Variants in PDE11A observed in about 807,000 individuals in gnomAD.
PDE11A encodes phosphodiesterase 11A, also known as dual 3',5'-cyclic-AMP and -GMP phosphodiesterase 11A.
A neutral mutation model predicts 100.5 loss-of-function variants in PDE11A; 100 were observed. That is an observed-to-expected ratio of 1.00 (90% CI 0.85 to 1.18). The LOEUF is 1.18. PDE11A is among the 50% of genes most tolerant of loss of function. The probability of loss-of-function intolerance (pLI) is 0.00; values close to 1 mark genes in which losing one functional copy is unlikely to be tolerated. For synonymous variants in PDE11A, 381 were observed against 420.8 expected (o/e 0.91, Z 1.16); for missense variants, 1,141 against 1,152.6 (o/e 0.99, Z 0.15).
chr2:177,820,997 G>A (rs554049944), intron 6 of PDE11A, among the ~76,000 whole-genome samples: 3 of 152,006 alleles, frequency 2.0e-5, no homozygotes, highest in East Asian at 1.9e-4. Flanking sequence ...GGGTCTTAGG[G>A]AGTTAATATG....
intron 2 of PDE11A, among the ~76,000 whole-genome samples, chr2:178,007,772 T>G (rs2105822475): frequency 6.6e-6 from 1 of 152,304 alleles, no homozygotes; most frequent in Middle Eastern, 3.4e-3. Context: ...TGGCAAGATC[T>G]TGGCTCACTG....
chr2:177,639,026 G>T (rs758117572), intron 19 of PDE11A, among the ~76,000 whole-genome samples: 1 of 152,282 alleles, frequency 6.6e-6, no homozygotes, highest in South Asian at 2.1e-4. Flanking sequence ...CCTGGGAACT[G>T]TAACCTCTTT....
intron 6 of PDE11A, among the ~76,000 whole-genome samples, chr2:177,821,694 G>A (rs1201006942): frequency 1.3e-5 from 2 of 151,822 alleles, no homozygotes; most frequent in Non-Finnish European, 2.9e-5. Context: ...ATCTCCTTGT[G>A]AAAGTAATTT....
chr2:177,849,683 A>G (rs994300661), intron 5 of PDE11A, among the ~76,000 whole-genome samples: 1 of 151,622 alleles, frequency 6.6e-6, no homozygotes, highest in African/African-American at 2.4e-5. Flanking sequence ...CCAGCTACTC[A>G]GGAGGCTGAG....
intron 2 of PDE11A, among the ~76,000 whole-genome samples, chr2:177,972,911 G>C (rs377610087): frequency 6.6e-6 from 1 of 152,222 alleles, no homozygotes; most frequent in Admixed American, 6.5e-5. Context: ...GAGAAGGGAA[G>C]TTGTGCCTAT....
chr2:178,071,108 C>T (rs1451706981), intron 1 of PDE11A, among the ~76,000 whole-genome samples: 1 of 152,170 alleles, frequency 6.6e-6, no homozygotes, highest in Non-Finnish European at 1.5e-5. Context: ...CCCCAAAAGA[C>T]ACCAAAGACA....
At chr2:177,880,534 T>C (rs1295278118) in intron 4 of PDE11A, among the ~76,000 whole-genome samples, 1 of 152,192 alleles carries the variant, frequency 6.6e-6, no homozygotes, top group Non-Finnish European at 1.5e-5. Context: ...TGTTAATCTG[T>C]ATGATTTCCT....
chr2:177,639,178 C>A (rs893573689), intron 19 of PDE11A, among the ~76,000 whole-genome samples: 1 of 152,330 alleles, frequency 6.6e-6, no homozygotes, highest in African/African-American at 2.4e-5. Context: ...TTCATTCATT[C>A]CCCTTACTCA....
At chr2:178,036,793 T>G (rs2086620350) in intron 1 of PDE11A, among the ~76,000 whole-genome samples, 1 of 152,170 alleles carries the variant, frequency 6.6e-6, no homozygotes, top group Admixed American at 6.5e-5. Flanking sequence ...ATTTAATAAA[T>G]GGTGCTGGGA....
chr2:177,851,043 C>T (rs1035682974), intron 5 of PDE11A, among the ~76,000 whole-genome samples: 9 of 152,114 alleles, frequency 5.9e-5, no homozygotes, highest in African/African-American at 2.2e-4. Context: ...TGGGTATATA[C>T]CCAAAGGATT....
chr2:177,933,068 C>CCACACA (rs58818826), intron 2 of PDE11A, among the ~76,000 whole-genome samples: 87 of 146,976 alleles, frequency 5.9e-4, no homozygotes, highest in African/African-American at 1.6e-3. Flanking sequence ...TTTACAATAG[C>CCACACA]CACACACACA....
chr2:177,939,664 A>T (rs2085323753), intron 2 of PDE11A, among the ~76,000 whole-genome samples: 1 of 152,234 alleles, frequency 6.6e-6, no homozygotes, highest in African/African-American at 2.4e-5. Context: ...AATGTTAGCT[A>T]CTGGAATGCA....
intron 5 of PDE11A, among the ~76,000 whole-genome samples, chr2:177,846,885 T>C (rs1376591876): frequency 3.3e-5 from 5 of 152,216 alleles, no homozygotes; most frequent in Admixed American, 2.0e-4. Flanking sequence ...CTACCTATCA[T>C]ATATTACATT....
chr2:177,850,620 T>G (rs2083684361), intron 5 of PDE11A, among the ~76,000 whole-genome samples: 1 of 151,902 alleles, frequency 6.6e-6, no homozygotes, highest in Non-Finnish European at 1.5e-5. Context: ...GGGAGAAAAT[T>G]TTTACAATCT....
chr2:177,920,934 C>T (rs971492551), intron 2 of PDE11A, among the ~76,000 whole-genome samples: 8 of 151,672 alleles, frequency 5.3e-5, no homozygotes, highest in Non-Finnish European at 8.8e-5. Flanking sequence ...TGGTGGTGGG[C>T]GCCTGTAGTC....
At chr2:177,990,827 T>C (rs1291344098) in intron 2 of PDE11A, among the ~76,000 whole-genome samples, 4 of 148,712 alleles carry the variant, frequency 2.7e-5, no homozygotes, top group African/African-American at 5.0e-5. Context: ...GGTGGACAGA[T>C]CACAAGGTCA....
At chr2:178,057,551 C>T (rs187913970) in intron 1 of PDE11A, among the ~76,000 whole-genome samples, 8 of 152,358 alleles carry the variant, frequency 5.3e-5, no homozygotes, top group Non-Finnish European at 1.0e-4. Flanking sequence ...GATATCACCA[C>T]GGTGATTTAA....
intron 12 of PDE11A, among the ~76,000 whole-genome samples, chr2:177,716,966 G>A (rs1043817651): frequency 1.3e-5 from 2 of 152,200 alleles, no homozygotes; most frequent in South Asian, 2.1e-4. Flanking sequence ...CCCCTGCTCT[G>A]CCCAGAAATC....
At chr2:177,646,491 C>A (rs542578471) in intron 19 of PDE11A, among the ~76,000 whole-genome samples, 2 of 152,062 alleles carry the variant, frequency 1.3e-5, no homozygotes, top group Admixed American at 6.6e-5. Context: ...AGATATGGAA[C>A]CTGGAATTGG....
Sources: allele counts gnomAD v4.1 joint callset (sites outside exome capture counted in the v4.1 genomes callset), GRCh38; gene constraint gnomAD v4.1.1; transcripts MANE v1.5; gene names NCBI Gene and HGNC (gene_info 2026-07-23, HGNC 2026-07-21).